Variants in SLC44A1 observed in about 807,000 individuals in gnomAD.
The protein encoded by SLC44A1 is solute carrier family 44 member 1, also known as choline transporter-like protein 1.
SLC44A1 carries 26 observed loss-of-function variants against 79.3 expected under a neutral mutation model. That is an observed-to-expected ratio of 0.33 (90% CI 0.24 to 0.46). The LOEUF is 0.46. Ranked by LOEUF, SLC44A1 falls within the 20% of genes least tolerant of loss-of-function variation. SLC44A1 has a pLI of 1.00. For synonymous variants in SLC44A1, 263 were observed against 286.2 expected, an observed-to-expected ratio of 0.92 and a Z score of 0.82; for missense variants, 688 against 798.1, an observed-to-expected ratio of 0.86 and a Z score of 1.66.
At chr9:105,281,616 T>C in intron 1 of SLC44A1, among the ~76,000 whole-genome samples, 1 of 152,144 alleles carries the variant, frequency 6.6e-6, no homozygotes, top group East Asian at 1.9e-4. Flanking sequence ...TGGGGTCCTT[T>C]GCCATGTTTG....
intron 3 of SLC44A1, among the ~76,000 whole-genome samples, chr9:105,335,282 A>G (rs1826877403): frequency 6.6e-6 from 1 of 152,200 alleles, no homozygotes; most frequent in Non-Finnish European, 1.5e-5. Context: ...AATGATTTGA[A>G]GAAAACTAAA....
chr9:105,364,599 T>C lies in SLC44A1; in HGVS notation c.1132T>C (p.Ser378Pro). The C allele has an allele frequency of 6.2e-7, 1 of 1,614,126 alleles. No homozygotes were observed. The highest frequency in any genetic ancestry group is 1.1e-5 in the South Asian group (1 of 91,062). Residue 378 changes from serine to proline, a missense_variant, in exon 10 of 16, where the codon TCT becomes CCT. Transcript: ENST00000374720. ...GCAAGGCTTTGTGGAGTTCAAAATT[T>C]CTGGGCCTCTGCAGTACATGTGGTG... is the stretch of plus-strand genomic sequence containing the variant. Reference protein sequence around the residue: ...NEQGFVEFKISGPLQYMWWYH... With the variant: ...NEQGFVEFKIPGPLQYMWWYH...
chr9:105,286,028 G>T (rs1830465690), intron 1 of SLC44A1, among the ~76,000 whole-genome samples: 1 of 152,184 alleles, frequency 6.6e-6, no homozygotes, highest in Admixed American at 6.5e-5. Flanking sequence ...TTGAACCTGG[G>T]AGGTGGAGGT....
intron 15 of SLC44A1, 116 bp downstream of exon 15, chr9:105,385,618 A>C: frequency 6.8e-7 from 1 of 1,481,226 alleles, no homozygotes; most frequent in Non-Finnish European, 8.9e-7. Context: ...TGTATCACGC[A>C]GGACATGCTG....
At position 105,282,049 on chromosome 9, in the gene SLC44A1, A is replaced by C. The variant is rs183422543; in HGVS notation, c.37-17171A>C. Among the ~76,000 whole-genome samples the C allele has an allele frequency of 1.3e-3, 201 of 152,336 alleles. 1 individual carries two copies. Among genetic ancestry groups the C allele is most frequent in the South Asian group, 8.7e-3 (42 of 4,828 alleles). The stretch of plus-strand genomic sequence containing the variant: ...AAAGTAGCTGTAACAGACACATAGA[A>C]GACTGGCTGGTGGGCAAGATAAATT... On this transcript the variant is annotated intron_variant, in intron 1 of 15. Coordinates refer to ENST00000374720, the MANE Select transcript of SLC44A1 (RefSeq NM_080546.5).
intron 15 of SLC44A1, among the ~76,000 whole-genome samples, chr9:105,403,488 G>T (rs1828984242): frequency 6.6e-6 from 1 of 151,802 alleles, no homozygotes; most frequent in Non-Finnish European, 1.5e-5. Flanking sequence ...TGGTTCTTGG[G>T]TGTAAATAAA....
intron 3 of SLC44A1, among the ~76,000 whole-genome samples, chr9:105,325,316 G>C (rs1826539369): frequency 6.6e-6 from 1 of 152,236 alleles, no homozygotes; most frequent in Non-Finnish European, 1.5e-5. Context: ...ACATAAGGTA[G>C]ATTAGTAGTT....
chr9:105,353,444 T>A (rs1178581220), intron 5 of SLC44A1, among the ~76,000 whole-genome samples: 1 of 152,176 alleles, frequency 6.6e-6, no homozygotes, highest in Non-Finnish European at 1.5e-5. Flanking sequence ...AAAAAAACAC[T>A]GAACATATTG....
rs1238211230 is a variant in SLC44A1, at chr9:105,351,606, GAA to G, written c.500+3157_500+3158del. ...AGAGAAAGAGAGAAAGAGAAAGAAA[GAA>G]AGAAAGAAAGAAAGAGAGAGAAAGA... On this transcript the variant is annotated intron_variant, in intron 5 of 15. Transcript: ENST00000374720. 5.8e-3 allele frequency among the ~76,000 whole-genome samples: 649 copies of G among 112,630 alleles called. 7 individuals carry two copies. The highest frequency in any genetic ancestry group is 0.025 in the African/African-American group (596 of 23,844). The allele number at this position is 112,630 out of a possible 152,430, so 73.9% of individuals were successfully genotyped here.
At chr9:105,275,563 CCTT>C (rs932200057) in intron 1 of SLC44A1, among the ~76,000 whole-genome samples, 1 of 152,076 alleles carries the variant, frequency 6.6e-6, no homozygotes, top group African/African-American at 2.4e-5. Context: ...AAATTTGTAA[CCTT>C]CTTTTGAAAT....
Position 105,391,900 on chromosome 9 carries a change from T to G in SLC44A1, c.*2844T>G, listed in dbSNP as rs1427159582. 4.1e-6 allele frequency: 4 copies of G among 985,298 alleles called. No homozygotes were observed. The highest frequency in any genetic ancestry group is 4.8e-6 in the Non-Finnish European group (4 of 829,916). 61.0% of individuals were successfully genotyped at this position (985,298 alleles called of 1,614,324 possible). A position where few individuals can be genotyped will look rare whatever the true frequency, so the allele number is the denominator to read the frequency against. On this transcript the variant is annotated 3_prime_UTR_variant, in exon 16 of 16. Transcript: ENST00000374720. ...AGGACTCATATTTCTAGAGTTTTAA[T>G]TGGGGTCCTCTATTGTCAATTGTAG...
In SLC44A1 at chr9:105,244,950, G is replaced by A. The variant is rs980749498; in HGVS notation, c.36+46G>A. On this transcript the variant is annotated intron_variant, in intron 1 of 15. Transcript: ENST00000374720. ...GGCCGCCCGCCCGGATGCCTCCCGT[G>A]CGCCGCGTCGCGCGGCGGGCGCCCG... is the stretch of plus-strand genomic sequence containing the variant. 2.8e-6 allele frequency: 3 copies of A among 1,057,830 alleles called. No individual in the cohort carries two copies. In the African/African-American group the frequency reaches 5.1e-5, roughly 18 times the overall value. The allele number at this position is 1,057,830 out of a possible 1,614,324, so 65.5% of individuals were successfully genotyped here. A position where few individuals can be genotyped will look rare whatever the true frequency, so the allele number is the denominator to read the frequency against.
chr9:105,431,396 G>A (rs10441773), intron 15 of SLC44A1, among the ~76,000 whole-genome samples: 6,262 of 152,264 alleles, frequency 0.041, 412 homozygotes, highest in African/African-American at 0.14. Flanking sequence ...CCATAGATAT[G>A]TAGGTTTATT....
rs1311087715 is a variant in SLC44A1 at position 105,383,181 on chromosome 9, A to G, written c.1691A>G (p.Asp564Gly). 1.2e-5 allele frequency: 19 copies of G among 1,614,062 alleles called. No homozygotes were observed. The highest frequency in any genetic ancestry group is 1.7e-5 in the Admixed American group (1 of 60,006). The change falls in exon 14 of 16, where the codon GAC (aspartate) becomes GGC (glycine). Residue 564 changes from aspartate (D) to glycine (G), a missense_variant. Physicochemically the swap from Asp to Gly is moderately conservative, Grantham distance 94. Coordinates refer to ENST00000374720, the MANE Select transcript of SLC44A1 (RefSeq NM_080546.5). ...AGIMLLNYQQ[D>G]YTVWVLPLII... ...ATTATGCTGCTCAACTACCAGCAGG[A>G]CTACACAGTATGGGTGCTGCCTCTG...
At position 105,362,932 on chromosome 9, in the gene SLC44A1, C is replaced by T. The variant is rs763121195; in HGVS notation, c.1012C>T (p.Pro338Ser). Residue 338 changes from proline (P) to serine (S), a missense_variant, in exon 9 of 16, where the codon CCC becomes TCC. Coordinates refer to ENST00000374720, the MANE Select transcript of SLC44A1 (RefSeq NM_080546.5). ...FIHLPLLVFQ[P>S]FWTFFALVLF... ...TCACTTGCCACTGCTAGTCTTCCAA[C>T]CCTTCTGGACTTTCTTTGCTCTTGT... 5.6e-6 allele frequency: 9 copies of T among 1,613,962 alleles called. No individual in the cohort carries two copies. In the South Asian group the frequency reaches 9.9e-5, roughly 18 times the overall value.
rs141091490 is a variant in SLC44A1 at position 105,379,792 on chromosome 9, A to T, written c.1633-3331A>T. On this transcript the variant is annotated intron_variant, in intron 13 of 15. Transcript: ENST00000374720. ...TTTTTAAGTATTGATATTTGTCCTA[A>T]TAAAGCTATCCCAAAACCCCTCAAT... 1.6e-4 allele frequency among the ~76,000 whole-genome samples: 25 copies of T among 152,300 alleles called. No homozygotes were observed. The East Asian group carries it at 4.6e-3, about 28-fold the overall frequency.
At chr9:105,307,174 T>C (rs1416662199) in intron 2 of SLC44A1, among the ~76,000 whole-genome samples, 9 of 152,212 alleles carry the variant, frequency 5.9e-5, no homozygotes, top group Admixed American at 5.9e-4. Flanking sequence ...GTTCTCATCA[T>C]TAGGCTGTGA....
At chr9:105,303,876 T>A (rs914302647) in intron 2 of SLC44A1, among the ~76,000 whole-genome samples, 2 of 152,166 alleles carry the variant, frequency 1.3e-5, no homozygotes, top group Non-Finnish European at 2.9e-5. Flanking sequence ...TTTAGTATGT[T>A]GTTAGGAAGC....
At chr9:105,315,000 T>C (rs532418225) in intron 3 of SLC44A1, among the ~76,000 whole-genome samples, 6 of 152,372 alleles carry the variant, frequency 3.9e-5, no homozygotes, top group African/African-American at 1.4e-4. Flanking sequence ...GCTCTTCGCA[T>C]CATACACTAA....
Sources: allele counts gnomAD v4.1 joint callset (sites outside exome capture counted in the v4.1 genomes callset), GRCh38; gene constraint gnomAD v4.1.1; transcripts MANE v1.5; gene names NCBI Gene and HGNC (gene_info 2026-07-23, HGNC 2026-07-21).